The following TRIM65 variants were observed in gnomAD, a reference collection of about 807,000 sequenced individuals.
The protein encoded by TRIM65 is E3 ubiquitin-protein ligase TRIM65.
A neutral mutation model predicts 36.1 loss-of-function variants in TRIM65; 46 were observed. The observed-to-expected ratio is 1.27, with a 90% confidence interval of 1.01 to 1.63. The LOEUF (loss-of-function observed/expected upper bound fraction) is 1.63. Among genes scored for constraint, TRIM65 ranks in the 40% most tolerant of loss-of-function variants. The pLI is 0.00. For synonymous variants in TRIM65, 346 were observed against 313.6 expected (o/e 1.10, Z -1.09); for missense variants, 708 against 696.6 (o/e 1.02, Z -0.18).
intron 1 of TRIM65, among the ~76,000 whole-genome samples, chr17:75,895,126 G>A (rs912621182): frequency 3.9e-5 from 6 of 152,164 alleles, no homozygotes; most frequent in Admixed American, 3.9e-4. Flanking sequence ...CCACCTGCGT[G>A]CTCAAGACAG....
chr17:75,890,640 A>G lies in TRIM65; in HGVS notation c.*139T>C. ...AACAGTGAACTCTGCGTTTATGCTC[A>G]CCTCCCCCAACCTCCCATCTCTTTC... On this transcript the variant is annotated 3_prime_UTR_variant, in exon 6 of 6. Transcript: ENST00000269383. 2 of 699,692 alleles carry G rather than the reference A, an allele frequency of 2.9e-6. No homozygotes were observed. Among genetic ancestry groups the G allele is most frequent in the Non-Finnish European group, 4.5e-6 (2 of 447,684 alleles). 43.3% of individuals were successfully genotyped at this position (699,692 alleles called of 1,614,324 possible).
chr17:75,880,270 A>G (rs563620530), downstream of TRIM65: 1 of 149,892 alleles, frequency 6.7e-6, no homozygotes, highest in Admixed American at 6.6e-5. Context: ...TGTAGCTGTA[A>G]GATGCGCTCT....
At position 75,896,918 on chromosome 17, in the gene TRIM65, T is replaced by C; in HGVS notation, c.20A>G (p.Glu7Gly). 2 of 1,505,456 alleles carry C rather than the reference T, an allele frequency of 1.3e-6. No individual in the cohort carries two copies. Among genetic ancestry groups the C allele is most frequent in the South Asian group, 2.5e-5 (2 of 80,860 alleles). The allele number at this position is 1,505,456 out of a possible 1,614,324, so 93.3% of individuals were successfully genotyped here. The change falls in exon 1 of 6, where the codon GAG becomes GGG. Residue 7 changes from glutamate (E) to glycine (G), a missense_variant. By Grantham distance (98) the Glu-to-Gly change is moderately conservative (BLOSUM62 -2). Coordinates refer to ENST00000269383, the MANE Select transcript of TRIM65 (RefSeq NM_173547.4). ...GCAGATGGCGCAGGTCAGCTTCTCCTCCAGCAGCTGCGCGGCCATGGCCCG... is the reference window on the plus strand; with the variant it reads ...GCAGATGGCGCAGGTCAGCTTCTCCCCCAGCAGCTGCGCGGCCATGGCCCG... The part of the protein sequence containing the change: MAAQLL[E>G]EKLTCAICLG...
At position 75,890,786 on chromosome 17, in the gene TRIM65, A is replaced by C. The variant is rs777759546; in HGVS notation, c.1547T>G (p.Leu516Arg). ...CTCCATCCCATGCCTTCTTCAGCTG[A>C]GCACCTCTTCCTGGGGCCCCAGAGG... is the stretch of plus-strand genomic sequence containing the variant. Reference protein sequence around the residue: ...VFPLGPQEEVLS With the variant: ...VFPLGPQEEVRS The change falls in exon 6 of 6, where the codon CTC (leucine) becomes CGC (arginine). Residue 516 changes from leucine to arginine, a missense_variant. Coordinates refer to ENST00000269383, the MANE Select transcript of TRIM65 (RefSeq NM_173547.4). 1 of 1,479,642 alleles carries C rather than the reference A, an allele frequency of 6.8e-7. No individual in the cohort carries two copies. The highest frequency in any genetic ancestry group is 2.4e-5 in the East Asian group (1 of 40,896). The allele number at this position is 1,479,642 out of a possible 1,614,324, so 91.7% of individuals were successfully genotyped here.
chr17:75,896,910 G>T lies in TRIM65; in HGVS notation c.28C>A (p.Leu10Met). The change falls in exon 1 of 6, where the codon CTG becomes ATG. Residue 10 changes from leucine to methionine, a missense_variant. By Grantham distance (15) the Leu-to-Met change is conservative. Coordinates refer to ENST00000269383, the MANE Select transcript of TRIM65 (RefSeq NM_173547.4). Reference sequence around the variant, plus strand: ...AGCCCCAGGCAGATGGCGCAGGTCAGCTTCTCCTCCAGCAGCTGCGCGGCC... The same window carrying T: ...AGCCCCAGGCAGATGGCGCAGGTCATCTTCTCCTCCAGCAGCTGCGCGGCC... MAAQLLEEK[L>M]TCAICLGLYQ... 6.6e-7 allele frequency: 1 copy of T among 1,511,184 alleles called. No individual in the cohort carries two copies. 93.6% of individuals were successfully genotyped at this position (1,511,184 alleles called of 1,614,324 possible).
At chr17:75,894,688 C>T (rs2065320732) in intron 1 of TRIM65, among the ~76,000 whole-genome samples, 1 of 152,230 alleles carries the variant, frequency 6.6e-6, no homozygotes. Context: ...CGCCACCAGG[C>T]CTGGCTAATT....
In TRIM65 at chr17:75,896,707, G is replaced by A. The variant is rs971777858; in HGVS notation, c.231C>T (p.Pro77=). Residue 77 remains proline (P), a synonymous_variant, in exon 1 of 6, where the codon CCC becomes CCT. Coordinates refer to ENST00000269383, the MANE Select transcript of TRIM65 (RefSeq NM_173547.4). ...SGVLEVVRAG[P]ARDPGPDPGP... Reference sequence around the variant, plus strand: ...CGGGATCGGGGCCGGGATCCCGGGCGGGCCCGGCGCGCACCACCTCCAGCA... The same window carrying A: ...CGGGATCGGGGCCGGGATCCCGGGCAGGCCCGGCGCGCACCACCTCCAGCA... 5.9e-6 allele frequency: 8 copies of A among 1,349,138 alleles called. No individual in the cohort carries two copies. Among genetic ancestry groups the A allele is most frequent in the Non-Finnish European group, 7.6e-6 (8 of 1,053,874 alleles). The allele number at this position is 1,349,138 out of a possible 1,614,324, so 83.6% of individuals were successfully genotyped here. A position where few individuals can be genotyped will look rare whatever the true frequency, so the allele number is the denominator to read the frequency against.
At chr17:75,886,521 CA>C (rs537579897), downstream of TRIM65, among the ~76,000 whole-genome samples, 21,537 of 77,462 alleles carry the variant, frequency 0.28, 1,585 homozygotes, top group African/African-American at 0.37. Context: ...GACTCCGTTT[CA>C]AAAAAAAAAA....
chr17:75,896,718 G>A lies in TRIM65; in HGVS notation c.220C>T (p.Arg74Cys), dbSNP rs1330540946. 3 of 1,402,396 alleles carry A rather than the reference G, an allele frequency of 2.1e-6. No individual in the cohort carries two copies. The highest frequency in any genetic ancestry group is 1.9e-6 in the Non-Finnish European group (2 of 1,079,218). 86.9% of individuals were successfully genotyped at this position (1,402,396 alleles called of 1,614,324 possible). A position where few individuals can be genotyped will look rare whatever the true frequency, so the allele number is the denominator to read the frequency against. ...CCGGGATCCCGGGCGGGCCCGGCGC[G>A]CACCACCTCCAGCACGCCGCTGAGG... The part of the protein sequence containing the change: ...VALSGVLEVV[R>C]AGPARDPGPD... The change falls in exon 1 of 6, where the codon CGC (arginine) becomes TGC (cysteine). Residue 74 changes from arginine (R) to cysteine (C), a missense_variant. Coordinates refer to ENST00000269383, the MANE Select transcript of TRIM65 (RefSeq NM_173547.4).
chr17:75,891,156 G>A lies in TRIM65; in HGVS notation c.1177C>T (p.His393Tyr). 1 of 1,608,922 alleles carries A rather than the reference G, an allele frequency of 6.2e-7. No homozygotes were observed. The change falls in exon 6 of 6, where the codon CAC (histidine) becomes TAC (tyrosine). Residue 393 changes from histidine (H) to tyrosine (Y), a missense_variant. Physicochemically the swap from His to Tyr is moderately conservative, Grantham distance 83. Coordinates refer to ENST00000269383, the MANE Select transcript of TRIM65 (RefSeq NM_173547.4). ...HHYWEVRASD[H>Y]SVTLGVSYPQ... ...TAGGAGACGCCCAGTGTCACCGAGT[G>A]GTCTGACGCGCGCACCTCCCAGTAG... is the stretch of plus-strand genomic sequence containing the variant.
rs1684769353 is a variant in TRIM65 at position 75,890,645 on chromosome 17, C to G, written c.*134G>C. 2 of 745,314 alleles carry G rather than the reference C, an allele frequency of 2.7e-6. No individual in the cohort carries two copies. The highest frequency in any genetic ancestry group is 3.9e-4 in the Middle Eastern group (1 of 2,532). The allele number at this position is 745,314 out of a possible 1,614,324, so 46.2% of individuals were successfully genotyped here. A position where few individuals can be genotyped will look rare whatever the true frequency, so the allele number is the denominator to read the frequency against. On this transcript the variant is annotated 3_prime_UTR_variant, in exon 6 of 6. Coordinates refer to ENST00000269383, the MANE Select transcript of TRIM65 (RefSeq NM_173547.4). ...TGAACTCTGCGTTTATGCTCACCTC[C>G]CCCAACCTCCCATCTCTTTCTGAGT...
At chr17:75,888,251 G>A (rs1186185063), downstream of TRIM65, among the ~76,000 whole-genome samples, 2 of 151,400 alleles carry the variant, frequency 1.3e-5, no homozygotes, top group Non-Finnish European at 2.9e-5. Context: ...TACTCGGGAG[G>A]CTGAGGCAGG....
In TRIM65 at chr17:75,891,449, C is replaced by T. The variant is rs559401212; in HGVS notation, c.986-102G>A. 401 of 1,256,868 alleles carry T rather than the reference C, an allele frequency of 3.2e-4. 1 individual carries two copies. The highest frequency in any genetic ancestry group is 1.4e-3 in the African/African-American group (95 of 67,140). The allele number at this position is 1,256,868 out of a possible 1,614,324, so 77.9% of individuals were successfully genotyped here. The stretch of plus-strand genomic sequence containing the variant: ...TCCGCCAGGCACGCTGAGCACCGGC[C>T]GTCACCATAGCACTTAATCCTCGCC... On this transcript the variant is annotated intron_variant, in intron 5 of 5. Coordinates refer to ENST00000269383, the MANE Select transcript of TRIM65 (RefSeq NM_173547.4).
rs938630771 is a variant in TRIM65, at chr17:75,892,091, A to G, written c.839T>C (p.Leu280Pro). 1 of 1,553,738 alleles carries G rather than the reference A, an allele frequency of 6.4e-7. No homozygotes were observed. The highest frequency in any genetic ancestry group is 1.2e-5 in the South Asian group (1 of 84,270). The change falls in exon 4 of 6, where the codon CTA becomes CCA. Residue 280 changes from leucine to proline, a missense_variant. Physicochemically the swap from Leu to Pro is moderately conservative, Grantham distance 98. Coordinates refer to ENST00000269383, the MANE Select transcript of TRIM65 (RefSeq NM_173547.4). ...CAAGAGGAGGCCACACAGCCGGCTT[A>G]GCAACTGCTTCAGGTCACCCAGCTG... Reference protein sequence around the residue: ...DQQLGDLKQLLSRLCGLLLEE... With the variant: ...DQQLGDLKQLPSRLCGLLLEE...
Position 75,892,161 on chromosome 17 carries a change from C to G in TRIM65, c.769G>C (p.Gly257Arg), listed in dbSNP as rs747101322. Reference protein sequence around the residue: ...LQESQLLQPPGPLGPLTPLQW... With the variant: ...LQESQLLQPPRPLGPLTPLQW... ...AGAGGGGTCAGTGGCCCAAGAGGCC[C>G]TGGGGGCTGGAGGAGCTGCGATTCC... Residue 257 changes from glycine (G) to arginine (R), a missense_variant, in exon 4 of 6, where the codon GGG becomes CGG. By Grantham distance (125) the Gly-to-Arg change is moderately radical. Coordinates refer to ENST00000269383, the MANE Select transcript of TRIM65 (RefSeq NM_173547.4). The G allele has an allele frequency of 3.8e-6, 6 of 1,569,960 alleles. No homozygotes were observed. The highest frequency in any genetic ancestry group is 5.2e-6 in the Non-Finnish European group (6 of 1,157,370).
At chr17:75,883,647 C>T (rs1456442059) in intron 4 of TRIM65, among the ~76,000 whole-genome samples, 1 of 150,982 alleles carries the variant, frequency 6.6e-6, no homozygotes, top group Non-Finnish European at 1.5e-5. Context: ...CCTGCCTCAG[C>T]CTCCCGAGTA....
At chr17:75,895,544 T>C (rs1208357034) in intron 1 of TRIM65, among the ~76,000 whole-genome samples, 3 of 152,166 alleles carry the variant, frequency 2.0e-5, no homozygotes, top group African/African-American at 4.8e-5. Flanking sequence ...CCCAGTTCTT[T>C]CCCATCCCAG....
intron 4 of TRIM65, 54 bp downstream of exon 4, chr17:75,891,957 C>T (rs986115241): frequency 1.9e-5 from 30 of 1,559,082 alleles, no homozygotes; most frequent in African/African-American, 1.8e-4. Context: ...ACCCCCCCAG[C>T]GGGAGGGGCA....
intron 1 of TRIM65, among the ~76,000 whole-genome samples, chr17:75,894,185 A>G (rs2065312952): frequency 6.6e-6 from 1 of 151,330 alleles, no homozygotes; most frequent in Non-Finnish European, 1.5e-5. Context: ...ACCGACCCCC[A>G]GCCGTGCACT....
Sources: allele counts gnomAD v4.1 joint callset (sites outside exome capture counted in the v4.1 genomes callset), GRCh38; gene constraint gnomAD v4.1.1; transcripts MANE v1.5; gene names NCBI Gene and HGNC (gene_info 2026-07-23, HGNC 2026-07-21).